Variants in PLCD4 observed in about 807,000 individuals in gnomAD.
PLCD4 encodes phospholipase C delta 4.
A neutral mutation model predicts 90.2 loss-of-function variants in PLCD4; 63 were observed. The observed-to-expected ratio is 0.70, with a 90% confidence interval of 0.57 to 0.86. The LOEUF (loss-of-function observed/expected upper bound fraction) is 0.86. PLCD4 is among the 40% of genes least tolerant of loss of function. PLCD4 has a pLI of 0.00. For missense variants in PLCD4, 830 were observed against 956.3 expected (o/e 0.87, Z 1.74); for synonymous variants, 294 against 356.5 (o/e 0.82, Z 1.97).
intron 11 of PLCD4, 116 bp downstream of exon 11, chr2:218,633,877 T>G: frequency 2.6e-5 from 28 of 1,095,802 alleles, no homozygotes; most frequent in Non-Finnish European, 3.6e-5. Context: ...GATGAAGGAG[T>G]TCAGAAACTC....
chr2:218,634,394 C>T lies in PLCD4; in HGVS notation c.1724-64C>T. 2.5e-6 allele frequency: 4 copies of T among 1,580,390 alleles called. No individual in the cohort carries two copies. The highest frequency in any genetic ancestry group is 3.4e-6 in the Non-Finnish European group (4 of 1,162,338). Reference sequence around the variant, plus strand: ...ACCCAGTACCTATCTTCTTAACTCCCTGAAAGAGGGGCTGGAAGGCCTCCA... The same window carrying T: ...ACCCAGTACCTATCTTCTTAACTCCTTGAAAGAGGGGCTGGAAGGCCTCCA... On this transcript the variant is annotated intron_variant, in intron 12 of 15. Transcript: ENST00000450993. The surrounding 1 kb of genome is among the most constrained non-coding windows in gnomAD (Gnocchi z 4.0).
intron 9 of PLCD4, among the ~76,000 whole-genome samples, chr2:218,631,409 C>A (rs976445286): frequency 4.6e-5 from 7 of 152,126 alleles, no homozygotes; most frequent in Non-Finnish European, 1.0e-4. Flanking sequence ...CGTGATCCAC[C>A]CTCCTCAGCC....
intron 6 of PLCD4, among the ~76,000 whole-genome samples, chr2:218,625,179 G>A (rs1162816606): frequency 1.4e-5 from 2 of 140,234 alleles, no homozygotes; most frequent in East Asian, 4.1e-4. Flanking sequence ...TACCTGTGCA[G>A]AATCCAGTAA....
chr2:218,630,646 CCAGACAT>C lies in PLCD4; in HGVS notation c.1122_1128del (p.Ser375ThrfsTer23). ...AATCCATTGTTCCCTCCCCTCACCA[CCAGACAT>C]CAGACTACCCAGTCATCTTGTCCCT... is the stretch of plus-strand genomic sequence containing the variant. On this transcript the variant is annotated splice_acceptor_variant and splice_polypyrimidine_tract_variant and coding_sequence_variant and intron_variant, in exon 9 of 16. Coordinates refer to ENST00000450993, the MANE Select transcript of PLCD4 (RefSeq NM_032726.4). LOFTEE classifies it high-confidence loss of function. The C allele has an allele frequency of 6.2e-7, 1 of 1,614,030 alleles. No homozygotes were observed. The highest frequency in any genetic ancestry group is 1.1e-5 in the South Asian group (1 of 91,080).
chr2:218,611,240 G>A (rs1409510902), intron 1 of PLCD4, among the ~76,000 whole-genome samples: 1 of 152,146 alleles, frequency 6.6e-6, no homozygotes, highest in Non-Finnish European at 1.5e-5. Context: ...TTCATGAATG[G>A]GAGAAGGATT....
At chr2:218,621,367 G>A in intron 4 of PLCD4, 103 bp from the exon 5 acceptor site, 1 of 1,358,970 alleles carries the variant, frequency 7.4e-7, no homozygotes, top group Non-Finnish European at 1.0e-6. Flanking sequence ...CGGGGAGAGA[G>A]ACTGGCAGGA....
At chr2:218,626,945 T>C (rs565493260) in intron 6 of PLCD4, among the ~76,000 whole-genome samples, 9 of 152,260 alleles carry the variant, frequency 5.9e-5, no homozygotes, top group African/African-American at 2.2e-4. Context: ...GTGAGCTCCA[T>C]TTGGCTATTT....
Position 218,632,230 on chromosome 2 carries a change from A to T in PLCD4, c.1367A>T (p.Glu456Val). ...GAGGAAGCAGAACCTGAGTTGGAAG[A>T]GTCAGAATTGGCGCTGGAGTCCCAG... The part of the protein sequence containing the change: ...EEEEAEPELE[E>V]SELALESQFE... The change falls in exon 10 of 16, where the codon GAG (glutamate) becomes GTG (valine). Residue 456 changes from glutamate to valine, a missense_variant. Glu to Val is a moderately radical substitution (Grantham distance 121, BLOSUM62 -2). Coordinates refer to ENST00000450993, the MANE Select transcript of PLCD4 (RefSeq NM_032726.4). 1 of 1,611,762 alleles carries T rather than the reference A, an allele frequency of 6.2e-7. No homozygotes were observed. Among genetic ancestry groups the T allele is most frequent in the African/African-American group, 1.3e-5 (1 of 75,044 alleles).
chr2:218,618,140 A>G (rs559217921), intron 3 of PLCD4, among the ~76,000 whole-genome samples: 1 of 152,304 alleles, frequency 6.6e-6, no homozygotes, highest in African/African-American at 2.4e-5. Context: ...AGAGAACTGG[A>G]CTTGGGCATA....
intron 6 of PLCD4, among the ~76,000 whole-genome samples, chr2:218,624,339 T>G (rs1243787783): frequency 1.3e-5 from 2 of 152,224 alleles, no homozygotes; most frequent in East Asian, 1.9e-4. Flanking sequence ...AGTGCCTAGA[T>G]CAGACAAGGA....
intron 1 of PLCD4, 80 bp from the exon 2 acceptor site, chr2:218,615,627 C>T: frequency 1.6e-6 from 2 of 1,272,956 alleles, no homozygotes; most frequent in Non-Finnish European, 2.2e-6. Flanking sequence ...AGTCACTAAA[C>T]TCAAAATTAG....
intron 3 of PLCD4, among the ~76,000 whole-genome samples, chr2:218,616,941 GAGAGA>G (rs1695629878): frequency 3.5e-5 from 1 of 28,188 alleles, no homozygotes; most frequent in Non-Finnish European, 7.3e-5. Flanking sequence ...GAGAGAGAGA[GAGAGA>G]GAGAGAGAGA....
chr2:218,633,032 G>A (rs1377968573), intron 10 of PLCD4, among the ~76,000 whole-genome samples: 1 of 152,110 alleles, frequency 6.6e-6, no homozygotes. Flanking sequence ...AGCTTATCCT[G>A]TGCTTTCTGG....
At chr2:218,617,054 T>A (rs1695649022) in intron 3 of PLCD4, among the ~76,000 whole-genome samples, 1 of 135,270 alleles carries the variant, frequency 7.4e-6, no homozygotes, top group African/African-American at 2.6e-5. Context: ...AAGCTCCGCC[T>A]TCCGGGTTCA....
chr2:218,636,606 T>A lies in PLCD4; in HGVS notation c.*29T>A. 1 of 1,599,604 alleles carries A rather than the reference T, an allele frequency of 6.3e-7. No individual in the cohort carries two copies. Among genetic ancestry groups the A allele is most frequent in the Non-Finnish European group, 8.6e-7 (1 of 1,168,076 alleles). ...GGGCATTTCACGGGAAGGGTTGGTGTGCTGGCTTTAGACGGGGAGAAACAT... is the reference window on the plus strand; with the variant it reads ...GGGCATTTCACGGGAAGGGTTGGTGAGCTGGCTTTAGACGGGGAGAAACAT... On this transcript the variant is annotated 3_prime_UTR_variant, in exon 16 of 16. Coordinates refer to ENST00000450993, the MANE Select transcript of PLCD4 (RefSeq NM_032726.4).
intron 1 of PLCD4, chr2:218,609,509 T>G (rs559020011): frequency 6.6e-6 from 1 of 152,338 alleles, no homozygotes; most frequent in African/African-American, 2.4e-5. Context: ...TATGTGTCTA[T>G]GAGTTAATAT....
At chr2:218,627,997 T>G (rs767131855) in intron 6 of PLCD4, 32 bp from the exon 7 acceptor site, 2 of 1,579,682 alleles carry the variant, frequency 1.3e-6, no homozygotes, top group South Asian at 2.3e-5. Flanking sequence ...ATTCAGAGCT[T>G]CTCACCTAGT....
At chr2:218,618,906 C>A in intron 4 of PLCD4, 99 bp downstream of exon 4, 1 of 1,165,378 alleles carries the variant, frequency 8.6e-7, no homozygotes. Flanking sequence ...GGGTGCAGGG[C>A]TAGGGAGGCC....
intron 3 of PLCD4, among the ~76,000 whole-genome samples, chr2:218,617,239 C>T (rs1575017854): frequency 6.9e-6 from 1 of 144,192 alleles, no homozygotes; most frequent in East Asian, 2.3e-4. Flanking sequence ...GCTGGGATTA[C>T]AGGCGTGAGC....
Sources: gnomAD v4.1 joint callset for allele counts (sites outside exome capture counted in the v4.1 genomes callset) on GRCh38, gnomAD v4.1.1 for gene constraint, Gnocchi (gnomAD v3.1) non-coding constraint, MANE v1.5 for transcripts, NCBI Gene and HGNC (gene_info 2026-07-23, HGNC 2026-07-21) for gene names.